The following NFYC variants were observed in gnomAD, a reference collection of about 807,000 sequenced individuals.
The protein encoded by NFYC is nuclear transcription factor Y subunit gamma.
Under a neutral mutation model 53.1 loss-of-function variants are expected in NFYC, and 25 were observed. That is an observed-to-expected ratio of 0.47 (90% CI 0.34 to 0.66). The LOEUF (loss-of-function observed/expected upper bound fraction) is 0.66, where lower values mean the gene tolerates loss of function less well. Among genes scored for constraint, NFYC ranks in the 30% least tolerant of loss-of-function variants. The pLI is 0.01. For synonymous variants in NFYC, 145 were observed against 152.6 expected (o/e 0.95, Z 0.37); for missense variants, 260 against 422.7 (o/e 0.62, Z 3.38).
chr1:40,698,744 G>A (rs757451351), intron 1 of NFYC, among the ~76,000 whole-genome samples: 3 of 152,006 alleles, frequency 2.0e-5, no homozygotes, highest in Non-Finnish European at 2.9e-5. Context: ...TTTGCCTCCC[G>A]GGTTCAAGTG....
chr1:40,728,479 C>T (rs569206148), intron 1 of NFYC, among the ~76,000 whole-genome samples: 66 of 151,882 alleles, frequency 4.3e-4, no homozygotes, highest in African/African-American at 1.6e-3. Flanking sequence ...TGCCTGCCAT[C>T]CCAGCTACTC....
intron 1 of NFYC, among the ~76,000 whole-genome samples, chr1:40,710,095 A>G (rs1429153115): frequency 6.6e-6 from 1 of 152,236 alleles, no homozygotes; most frequent in African/African-American, 2.4e-5. Context: ...GAAGGCCCAC[A>G]TGCCAGTGTG....
intron 8 of NFYC, chr1:40,767,200 G>A (rs1382955076): frequency 1.9e-6 from 1 of 531,066 alleles, no homozygotes. Flanking sequence ...CACAGATGGT[G>A]AGGGGGCTGC....
intron 1 of NFYC, among the ~76,000 whole-genome samples, chr1:40,708,360 C>T (rs907845033): frequency 7.2e-5 from 11 of 152,262 alleles, no homozygotes; most frequent in South Asian, 6.2e-4. Flanking sequence ...GTGTTTTATG[C>T]AAATACTATA....
chr1:40,695,077 A>C (rs950933316), intron 1 of NFYC, among the ~76,000 whole-genome samples: 13 of 152,084 alleles, frequency 8.5e-5, no homozygotes, highest in African/African-American at 3.1e-4. Context: ...ATGATGAAAC[A>C]AAATTACAAA....
intron 2 of NFYC, among the ~76,000 whole-genome samples, chr1:40,747,118 A>G (rs543519258): frequency 4.6e-5 from 7 of 152,328 alleles, no homozygotes; most frequent in African/African-American, 1.7e-4. Context: ...AATGGAAGAA[A>G]GAACTGGCAG....
chr1:40,728,532 G>A (rs182211807), intron 1 of NFYC, among the ~76,000 whole-genome samples: 7 of 152,122 alleles, frequency 4.6e-5, no homozygotes, highest in Admixed American at 4.6e-4. Flanking sequence ...GAAGGCGGAG[G>A]TTGCAGTGAC....
In NFYC at chr1:40,762,841, G is replaced by T. The variant is rs533474774; in HGVS notation, c.562-47G>T. 4.1e-6 allele frequency: 6 copies of T among 1,472,336 alleles called. No individual in the cohort carries two copies. The African/African-American group carries it at 5.7e-5, about 14-fold the overall frequency. The allele number at this position is 1,472,336 out of a possible 1,614,324, so 91.2% of individuals were successfully genotyped here. On this transcript the variant is annotated intron_variant, in intron 6 of 9. Coordinates refer to ENST00000447388, the MANE Select transcript of NFYC (RefSeq NM_014223.5). Reference sequence around the variant, plus strand: ...TATTAACCTCTCGGTAATCCTGTGGGCTCTGAGCCTGAACTCACGCAGCAT... The same window carrying T: ...TATTAACCTCTCGGTAATCCTGTGGTCTCTGAGCCTGAACTCACGCAGCAT...
chr1:40,715,113 T>TAAATAAATA (rs142127233), intron 1 of NFYC, among the ~76,000 whole-genome samples: 2 of 132,710 alleles, frequency 1.5e-5, no homozygotes, highest in East Asian at 2.4e-4. Context: ...AATAAATAAA[T>TAAATAAATA]AATAATTTGG....
intron 1 of NFYC, among the ~76,000 whole-genome samples, chr1:40,732,906 C>G (rs919309312): frequency 1.3e-5 from 2 of 151,898 alleles, no homozygotes; most frequent in African/African-American, 4.8e-5. Flanking sequence ...GCTTTAAAGT[C>G]CTGGAGCTCA....
At chr1:40,732,130 T>A (rs1011525918) in intron 1 of NFYC, among the ~76,000 whole-genome samples, 1 of 152,234 alleles carries the variant, frequency 6.6e-6, no homozygotes, top group African/African-American at 2.4e-5. Flanking sequence ...GTTAGGTTTT[T>A]AAGTATTATC....
intron 1 of NFYC, among the ~76,000 whole-genome samples, chr1:40,708,914 C>T (rs1203738212): frequency 6.6e-6 from 1 of 152,214 alleles, no homozygotes; most frequent in Non-Finnish European, 1.5e-5. Context: ...CAGTATCTTA[C>T]AGACATCTTT....
At chr1:40,714,646 G>T (rs973102508) in intron 1 of NFYC, among the ~76,000 whole-genome samples, 1 of 152,084 alleles carries the variant, frequency 6.6e-6, no homozygotes, top group African/African-American at 2.4e-5. Flanking sequence ...ACAAGGTCTT[G>T]CTCTGTCACC....
chr1:40,765,334 A>G (rs1482078852), intron 7 of NFYC, among the ~76,000 whole-genome samples: 1 of 152,102 alleles, frequency 6.6e-6, no homozygotes, highest in East Asian at 1.9e-4. Context: ...TCTTGCCTCA[A>G]GTGGGCAATT....
intron 4 of NFYC, among the ~76,000 whole-genome samples, chr1:40,750,036 T>A (rs7535618): frequency 0.88 from 133,927 of 152,170 alleles, 59,039 homozygotes; most frequent in East Asian, 0.98. Flanking sequence ...CCAAACGTAA[T>A]CAACTTCTGG....
chr1:40,766,720 C>A lies in NFYC; in HGVS notation c.828+17C>A. The A allele has an allele frequency of 1.2e-6, 2 of 1,607,064 alleles. No individual in the cohort carries two copies. The highest frequency in any genetic ancestry group is 1.7e-6 in the Non-Finnish European group (2 of 1,173,624). ...GCTCAACAGGTATGTGCCCCAGAGA[C>A]ACAAGGCCTGTGTTGGAGACCAGGA... On this transcript the variant is annotated intron_variant, in intron 8 of 9. Transcript: ENST00000447388.
At chr1:40,702,752 G>C (rs1419247935) in intron 1 of NFYC, among the ~76,000 whole-genome samples, 1 of 152,198 alleles carries the variant, frequency 6.6e-6, no homozygotes, top group Non-Finnish European at 1.5e-5. Flanking sequence ...AGTTGTTCAA[G>C]ACCAAGTTGG....
At chr1:40,707,553 C>T (rs1643762043) in intron 1 of NFYC, among the ~76,000 whole-genome samples, 1 of 151,144 alleles carries the variant, frequency 6.6e-6, no homozygotes, top group Admixed American at 6.6e-5. Flanking sequence ...CCTGTAATCC[C>T]AGCACTTCGG....
chr1:40,752,530 C>T (rs1248971609), intron 4 of NFYC, among the ~76,000 whole-genome samples: 1 of 152,086 alleles, frequency 6.6e-6, no homozygotes, highest in African/African-American at 2.4e-5. Context: ...TCTCTTACCT[C>T]TCTTGCTGCT....
Sources: gnomAD v4.1 joint callset for allele counts (sites outside exome capture counted in the v4.1 genomes callset) on GRCh38, gnomAD v4.1.1 for gene constraint, MANE v1.5 for transcripts, NCBI Gene and HGNC (gene_info 2026-07-23, HGNC 2026-07-21) for gene names.